HCRTR2: variants seen among roughly 807,000 people sequenced by gnomAD.
HCRTR2 encodes hypocretin receptor 2.
In HCRTR2, 22 loss-of-function variants were observed where a neutral mutation model predicts 49.0. That is an observed-to-expected ratio of 0.45 (90% confidence interval 0.32 to 0.64). HCRTR2 has a LOEUF of 0.64. Among genes scored for constraint, HCRTR2 ranks in the 30% least tolerant of loss-of-function variants. The pLI is 0.04. For synonymous variants in HCRTR2, 236 were observed against 205.3 expected (o/e 1.15, Z -1.28); for missense variants, 491 against 559.4 (o/e 0.88, Z 1.23).
At chr6:55,150,648 A>G in intron 1 of HCRTR2, among the ~76,000 whole-genome samples, 1 of 152,010 alleles carries the variant, frequency 6.6e-6, no homozygotes, top group Non-Finnish European at 1.5e-5. Flanking sequence ...GTTCATCCAC[A>G]TCATTGCAAA....
intron 4 of HCRTR2, among the ~76,000 whole-genome samples, chr6:55,267,022 A>C (rs930524161): frequency 6.6e-6 from 1 of 152,200 alleles, no homozygotes; most frequent in South Asian, 2.1e-4. Flanking sequence ...AGTCATTTAC[A>C]AAACAGATTG....
chr6:55,167,119 C>G (rs1764888390), intron 1 of HCRTR2, among the ~76,000 whole-genome samples: 1 of 151,986 alleles, frequency 6.6e-6, no homozygotes, highest in African/African-American at 2.4e-5. Flanking sequence ...CTAAATGATA[C>G]CTCTCAAAAT....
intron 1 of HCRTR2, among the ~76,000 whole-genome samples, chr6:55,155,680 T>G (rs2127259932): frequency 6.6e-6 from 1 of 152,158 alleles, no homozygotes; most frequent in East Asian, 1.9e-4. Flanking sequence ...ACATGCATAA[T>G]GTTAATTCAT....
chr6:55,254,785 G>T (rs1766618665), intron 2 of HCRTR2, among the ~76,000 whole-genome samples: 1 of 149,012 alleles, frequency 6.7e-6, no homozygotes, highest in Non-Finnish European at 1.5e-5. Flanking sequence ...TCTATATGAG[G>T]GTATGATTTC....
intron 1 of HCRTR2, among the ~76,000 whole-genome samples, chr6:55,221,293 T>A (rs1765885338): frequency 6.6e-6 from 1 of 152,110 alleles, no homozygotes. Context: ...CCAAAGCCAT[T>A]GTAATAGAAA....
At chr6:55,182,092 C>T (rs1765143489) in intron 1 of HCRTR2, among the ~76,000 whole-genome samples, 1 of 152,226 alleles carries the variant, frequency 6.6e-6, no homozygotes, top group Admixed American at 6.5e-5. Context: ...ATTTCTTGCT[C>T]ATTTAACATC....
chr6:55,194,440 A>G (rs2127280258), intron 1 of HCRTR2, among the ~76,000 whole-genome samples: 1 of 152,292 alleles, frequency 6.6e-6, no homozygotes, highest in Non-Finnish European at 1.5e-5. Context: ...TAGCAGGCAT[A>G]TAATCTAGAA....
chr6:55,247,695 G>A (rs1051838708), intron 1 of HCRTR2, among the ~76,000 whole-genome samples: 4 of 152,082 alleles, frequency 2.6e-5, no homozygotes, highest in Admixed American at 1.3e-4. Context: ...GAGAATGGAG[G>A]AACTGGGTGT....
At chr6:55,139,150 G>A (rs1314810329) in intron 1 of HCRTR2, among the ~76,000 whole-genome samples, 2 of 152,192 alleles carry the variant, frequency 1.3e-5, no homozygotes, top group African/African-American at 4.8e-5. Context: ...CTAGGGTGAG[G>A]AAGTTAAAGA....
At chr6:55,196,919 G>T (rs1282778862) in intron 1 of HCRTR2, among the ~76,000 whole-genome samples, 1 of 151,982 alleles carries the variant, frequency 6.6e-6, no homozygotes, top group Non-Finnish European at 1.5e-5. Context: ...GGAGTATGTT[G>T]CTCCCTCAGT....
intron 1 of HCRTR2, among the ~76,000 whole-genome samples, chr6:55,195,780 T>C (rs989239867): frequency 6.6e-6 from 1 of 151,796 alleles, no homozygotes; most frequent in Non-Finnish European, 1.5e-5. Flanking sequence ...GACCATCCTG[T>C]GAATGGTGAA....
chr6:55,192,396 C>T (rs1345050453), intron 1 of HCRTR2, among the ~76,000 whole-genome samples: 1 of 82,476 alleles, frequency 1.2e-5, no homozygotes, highest in Non-Finnish European at 2.4e-5. Context: ...TCTAAACACA[C>T]ACACACGCGC....
chr6:55,112,737 T>C (rs1374669222), intron 1 of HCRTR2, among the ~76,000 whole-genome samples: 1 of 151,944 alleles, frequency 6.6e-6, no homozygotes, highest in Non-Finnish European at 1.5e-5. Flanking sequence ...ACAAGTTCAA[T>C]GCAATTCCCA....
At chr6:55,107,905 T>G (rs1400797016) in intron 1 of HCRTR2, among the ~76,000 whole-genome samples, 1 of 152,140 alleles carries the variant, frequency 6.6e-6, no homozygotes, top group South Asian at 2.1e-4. Flanking sequence ...CTAAATACCC[T>G]TCATAATTTT....
chr6:55,247,784 G>A (rs1766474573), intron 1 of HCRTR2, among the ~76,000 whole-genome samples: 1 of 152,060 alleles, frequency 6.6e-6, no homozygotes, highest in African/African-American at 2.4e-5. Context: ...AGGGAGGCTG[G>A]CTATGAAAGT....
At chr6:55,203,145 C>T (rs573663755) in intron 1 of HCRTR2, among the ~76,000 whole-genome samples, 2 of 152,220 alleles carry the variant, frequency 1.3e-5, no homozygotes, top group African/African-American at 4.8e-5. Context: ...AAAACTGTGC[C>T]TGAAACTTTA....
intron 1 of HCRTR2, among the ~76,000 whole-genome samples, chr6:55,130,804 T>A (rs746847725): frequency 2.6e-5 from 4 of 151,848 alleles, no homozygotes; most frequent in African/African-American, 9.7e-5. Flanking sequence ...CCAACACACA[T>A]ATACACAGAA....
At position 55,227,173 on chromosome 6, in the gene HCRTR2, A is replaced by T. The variant is rs146628360; in HGVS notation, c.224-21466A>T. Among the ~76,000 whole-genome samples the T allele has an allele frequency of 9.2e-5, 14 of 152,238 alleles. No individual in the cohort carries two copies. In the East Asian group the frequency reaches 9.7e-4, roughly 11 times the overall value. ...TGTGTTACAGTTAGGGCTTAGAAAGATTTAAGCACCTAGCCAAAATTATGC... is the reference window on the plus strand; with the variant it reads ...TGTGTTACAGTTAGGGCTTAGAAAGTTTTAAGCACCTAGCCAAAATTATGC... On this transcript the variant is annotated intron_variant, in intron 1 of 6. Coordinates refer to ENST00000370862, the MANE Select transcript of HCRTR2 (RefSeq NM_001384272.1).
At chr6:55,274,729 C>A (rs527986977) in intron 4 of HCRTR2, among the ~76,000 whole-genome samples, 2 of 152,132 alleles carry the variant, frequency 1.3e-5, no homozygotes, top group African/African-American at 4.8e-5. Context: ...TTATATATTG[C>A]AGGATTTAAT....
Sources: allele counts gnomAD v4.1 joint callset (sites outside exome capture counted in the v4.1 genomes callset), GRCh38; gene constraint gnomAD v4.1.1; transcripts MANE v1.5; gene names NCBI Gene and HGNC (gene_info 2026-07-23, HGNC 2026-07-21).